The following ARHGAP24 variants were observed in gnomAD, a reference collection of about 807,000 sequenced individuals.
ARHGAP24 encodes the protein Rho GTPase activating protein 24.
In ARHGAP24, 50 loss-of-function variants were observed where a neutral mutation model predicts 76.4. That is an observed-to-expected ratio of 0.65 (90% CI 0.52 to 0.83). The LOEUF is 0.83. Ranked by LOEUF, ARHGAP24 falls within the 40% of genes least tolerant of loss-of-function variation. The pLI is 0.00. For missense variants in ARHGAP24, 930 were observed against 914.2 expected, an observed-to-expected ratio of 1.02 and a Z score of -0.22; for synonymous variants, 345 against 323.3, an observed-to-expected ratio of 1.07 and a Z score of -0.72.
At chr4:85,871,659 T>A (rs1321560779) in intron 3 of ARHGAP24, among the ~76,000 whole-genome samples, 1 of 152,192 alleles carries the variant, frequency 6.6e-6, no homozygotes, top group Non-Finnish European at 1.5e-5. Flanking sequence ...GAAAGAGGGT[T>A]CTTAATAGAC....
chr4:85,803,043 G>T (rs1728643194), intron 3 of ARHGAP24, among the ~76,000 whole-genome samples: 1 of 152,072 alleles, frequency 6.6e-6, no homozygotes, highest in East Asian at 1.9e-4. Context: ...TTTCACATTT[G>T]CAAAACAATA....
intron 3 of ARHGAP24, among the ~76,000 whole-genome samples, chr4:85,922,607 A>G (rs956044169): frequency 3.3e-5 from 5 of 152,196 alleles, no homozygotes; most frequent in Non-Finnish European, 5.9e-5. Flanking sequence ...GTTAAATACT[A>G]TTCTATTTCT....
chr4:85,719,535 C>T (rs1724852801), intron 2 of ARHGAP24, among the ~76,000 whole-genome samples: 1 of 152,134 alleles, frequency 6.6e-6, no homozygotes, highest in Non-Finnish European at 1.5e-5. Flanking sequence ...ACTACTTTAG[C>T]TAAATATTAC....
chr4:85,911,267 C>T (rs1223114070), intron 3 of ARHGAP24, among the ~76,000 whole-genome samples: 1 of 152,196 alleles, frequency 6.6e-6, no homozygotes, highest in African/African-American at 2.4e-5. Flanking sequence ...TTGTACCGGG[C>T]TCCACTTGTC....
intron 1 of ARHGAP24, among the ~76,000 whole-genome samples, chr4:85,563,813 A>G (rs1726693381): frequency 6.6e-6 from 1 of 152,202 alleles, no homozygotes; most frequent in Non-Finnish European, 1.5e-5. Flanking sequence ...CAGCTGAGCC[A>G]ATGTAGAGAG....
At chr4:85,878,125 T>G (rs1733037988) in intron 3 of ARHGAP24, among the ~76,000 whole-genome samples, 1 of 152,178 alleles carries the variant, frequency 6.6e-6, no homozygotes, top group Admixed American at 6.5e-5. Flanking sequence ...ATTTTATTCC[T>G]TTTAATGTCT....
At chr4:85,872,575 C>CATGAGCCA (rs1732595469) in intron 3 of ARHGAP24, among the ~76,000 whole-genome samples, 1 of 141,540 alleles carries the variant, frequency 7.1e-6, no homozygotes, top group Non-Finnish European at 1.5e-5. Context: ...GGATTATAGG[C>CATGAGCCA]ATGAGCCACT....
chr4:85,535,188 A>T (rs1725421768), intron 1 of ARHGAP24, among the ~76,000 whole-genome samples: 1 of 152,212 alleles, frequency 6.6e-6, no homozygotes, highest in African/African-American at 2.4e-5. Flanking sequence ...GTTTTAATAG[A>T]TAGTAAATAA....
chr4:85,997,908 C>G (rs569840598), intron 9 of ARHGAP24, among the ~76,000 whole-genome samples: 2 of 152,114 alleles, frequency 1.3e-5, no homozygotes, highest in African/African-American at 4.8e-5. Flanking sequence ...CCACCCACCT[C>G]GGCCTCCCAA....
chr4:85,844,601 A>C (rs1560666739), intron 3 of ARHGAP24, among the ~76,000 whole-genome samples: 1 of 152,180 alleles, frequency 6.6e-6, no homozygotes, highest in Non-Finnish European at 1.5e-5. Flanking sequence ...TTGTATTTGT[A>C]TTTACCTGGA....
At chr4:85,974,854 G>GA in intron 6 of ARHGAP24, 34 bp from the exon 7 acceptor site, 1 of 1,594,044 alleles carries the variant, frequency 6.3e-7, no homozygotes, top group Non-Finnish European at 8.6e-7. Context: ...CCAACGTGTA[G>GA]AAAAATAATA....
intron 2 of ARHGAP24, among the ~76,000 whole-genome samples, chr4:85,627,884 G>T (rs1488405824): frequency 6.6e-6 from 1 of 152,172 alleles, no homozygotes; most frequent in African/African-American, 2.4e-5. Context: ...GCCAGGTGCG[G>T]GATATAATCT....
chr4:85,533,923 T>C (rs1033956135), intron 1 of ARHGAP24, among the ~76,000 whole-genome samples: 11 of 152,188 alleles, frequency 7.2e-5, no homozygotes, highest in African/African-American at 2.7e-4. Context: ...AGATGACTTA[T>C]AGGAACATTT....
intron 2 of ARHGAP24, among the ~76,000 whole-genome samples, chr4:85,685,552 G>C: frequency 6.6e-6 from 1 of 151,316 alleles, no homozygotes; most frequent in Non-Finnish European, 1.5e-5. Context: ...AGAATGGCGT[G>C]AACCCAGGAG....
At chr4:85,963,557 A>G (rs564135318) in intron 5 of ARHGAP24, among the ~76,000 whole-genome samples, 10 of 152,212 alleles carry the variant, frequency 6.6e-5, no homozygotes, top group South Asian at 2.1e-4. Context: ...ATTAAGCCTT[A>G]TAAGTGTCTC....
intron 3 of ARHGAP24, among the ~76,000 whole-genome samples, chr4:85,725,443 C>G (rs77418291): frequency 0.015 from 2,223 of 152,316 alleles, 47 homozygotes; most frequent in African/African-American, 0.05. Flanking sequence ...CTTTGTCACT[C>G]TAGTGGCAAA....
chr4:85,517,715 T>C (rs1354572861), intron 1 of ARHGAP24, among the ~76,000 whole-genome samples: 1 of 152,166 alleles, frequency 6.6e-6, no homozygotes, highest in South Asian at 2.1e-4. Context: ...GTTTAATAAA[T>C]TTTTAATGTT....
intron 1 of ARHGAP24, among the ~76,000 whole-genome samples, chr4:85,542,680 T>G (rs1187967006): frequency 6.7e-6 from 1 of 149,558 alleles, no homozygotes; most frequent in Non-Finnish European, 1.5e-5. Context: ...ATTAAAGAGA[T>G]AAAAGTAGCA....
intron 3 of ARHGAP24, among the ~76,000 whole-genome samples, chr4:85,849,946 G>C (rs980113744): frequency 6.6e-6 from 1 of 152,096 alleles, no homozygotes; most frequent in East Asian, 1.9e-4. Flanking sequence ...TTGGTATCAG[G>C]ATGATGCTGG....
Sources: allele counts gnomAD v4.1 joint callset (sites outside exome capture counted in the v4.1 genomes callset), GRCh38; gene constraint gnomAD v4.1.1; transcripts MANE v1.5; gene names NCBI Gene and HGNC (gene_info 2026-07-23, HGNC 2026-07-21).